Variants in SENP7 observed in about 807,000 individuals in gnomAD.
SENP7 encodes SUMO specific peptidase 7, also known as sentrin-specific protease 7.
SENP7 carries 64 observed loss-of-function variants against 141.2 expected under a neutral mutation model. The ratio of observed to expected loss-of-function variants is 0.45; its 90% CI spans 0.37 to 0.56. SENP7 has a LOEUF of 0.56. SENP7 is among the 20% of genes least tolerant of loss of function. The probability of loss-of-function intolerance (pLI) is 0.00; values close to 1 mark genes in which losing one functional copy is unlikely to be tolerated. For missense variants in SENP7, 1,025 were observed against 1,212.2 expected (o/e 0.85, Z 2.29); for synonymous variants, 382 against 426.4 (o/e 0.90, Z 1.28).
chr3:101,407,932 TCAGAGCAGAACTAAA>T (rs2061349782), intron 5 of SENP7, among the ~76,000 whole-genome samples: 2 of 151,026 alleles, frequency 1.3e-5, no homozygotes, highest in East Asian at 3.9e-4. Flanking sequence ...ACAAGCAAGA[TCAGAGCAGAACTAAA>T]TGAAATTAAA....
At chr3:101,389,105 T>A (rs2107533682) in intron 6 of SENP7, among the ~76,000 whole-genome samples, 1 of 152,194 alleles carries the variant, frequency 6.6e-6, no homozygotes, top group East Asian at 1.9e-4. Context: ...ACTTCCCAAG[T>A]TGAGCAAAAG....
chr3:101,383,212 T>C (rs1293861909), intron 6 of SENP7, among the ~76,000 whole-genome samples: 1 of 152,060 alleles, frequency 6.6e-6, no homozygotes, highest in Admixed American at 6.5e-5. Context: ...TGGTTAAGAG[T>C]GTGTAGCAGC....
chr3:101,442,285 G>A (rs1030592164), intron 4 of SENP7, among the ~76,000 whole-genome samples: 2 of 152,192 alleles, frequency 1.3e-5, no homozygotes, highest in African/African-American at 2.4e-5. Context: ...ACCAGTTTCA[G>A]GGAAGACAAT....
intron 4 of SENP7, among the ~76,000 whole-genome samples, chr3:101,427,016 T>C (rs1335477209): frequency 6.6e-6 from 1 of 152,172 alleles, no homozygotes; most frequent in Non-Finnish European, 1.5e-5. Context: ...ATCATCCTGA[T>C]ACAAAAACTT....
At position 101,328,639 on chromosome 3, in the gene SENP7, T is replaced by C. The variant is rs1364322141; in HGVS notation, c.2795+7A>G. 2 of 1,607,614 alleles carry C rather than the reference T, an allele frequency of 1.2e-6. No homozygotes were observed. Among genetic ancestry groups the C allele is most frequent in the Non-Finnish European group, 8.5e-7 (1 of 1,175,508 alleles). On this transcript the variant is annotated splice_region_variant and intron_variant, in intron 21 of 23. Transcript: ENST00000394095. The stretch of plus-strand genomic sequence containing the variant: ...AAAACTGTATTATTATTACAGCATG[T>C]ACCTACCTTTTACACATTTTCTTTG...
At chr3:101,501,586 G>A (rs902748166) in intron 1 of SENP7, among the ~76,000 whole-genome samples, 6 of 143,298 alleles carry the variant, frequency 4.2e-5, no homozygotes, top group Non-Finnish European at 7.7e-5. Flanking sequence ...AACATGCTTA[G>A]GGAACAGCTT....
chr3:101,483,120 T>C (rs1270568523), intron 3 of SENP7, among the ~76,000 whole-genome samples: 1 of 152,140 alleles, frequency 6.6e-6, no homozygotes, highest in East Asian at 1.9e-4. Context: ...AATAAATCAT[T>C]CTGCCAAAAA....
chr3:101,435,014 A>G (rs1469312766), intron 4 of SENP7, among the ~76,000 whole-genome samples: 1 of 152,144 alleles, frequency 6.6e-6, no homozygotes, highest in African/African-American at 2.4e-5. Context: ...TGATGCAAAA[A>G]TCCTCAACAA....
rs760755056 is a variant in SENP7, at chr3:101,417,610, G to A, written c.465C>T (p.Ser155=). The part of the protein sequence containing the change: ...TCQKLEPLRQ[S]LNLSERIPRV... ...CAACATACCTTTCAGATAAATTAAG[G>A]CTTTGGCGAAGAGGTTCTAATTTTT... The change falls in exon 5 of 24, where the codon AGC becomes AGT. Residue 155 remains serine (S), a synonymous_variant. Coordinates refer to ENST00000394095, the MANE Select transcript of SENP7 (RefSeq NM_020654.5). The A allele has an allele frequency of 1.2e-6, 2 of 1,613,362 alleles. No individual in the cohort carries two copies. Among genetic ancestry groups the A allele is most frequent in the Non-Finnish European group, 1.7e-6 (2 of 1,179,366 alleles).
chr3:101,510,575 G>A (rs905698962), intron 1 of SENP7, among the ~76,000 whole-genome samples: 9 of 151,892 alleles, frequency 5.9e-5, no homozygotes, highest in South Asian at 2.1e-4. Flanking sequence ...CTTCATGGCC[G>A]GGCACGGTGG....
intron 4 of SENP7, among the ~76,000 whole-genome samples, chr3:101,447,611 C>T (rs1457409312): frequency 6.6e-6 from 1 of 152,016 alleles, no homozygotes; most frequent in Non-Finnish European, 1.5e-5. Flanking sequence ...GGAAAGACAT[C>T]CCATGTTTAT....
rs1277219983 is a variant in SENP7, at chr3:101,325,990, G to C, written c.3106C>G (p.Leu1036Val). ...TGCTGTAAATGAAGTTTCAAGATGA[G>C]CTCTCGAATATCTTCCCGTTTGGTC... Reference protein sequence around the residue: ...IKTKREDIRELILKLHLQQQK... With the variant: ...IKTKREDIREVILKLHLQQQK... The change falls in exon 24 of 24, where the codon CTC becomes GTC. Residue 1036 changes from leucine (L) to valine (V), a missense_variant. Physicochemically the swap from Leu to Val is conservative, Grantham distance 32. Around this residue, in one of 4 missense-constraint regions of SENP7, gnomAD observed 295 missense variants for 459.1 expected, o/e 0.64. Coordinates refer to ENST00000394095, the MANE Select transcript of SENP7 (RefSeq NM_020654.5). 1 of 1,610,884 alleles carries C rather than the reference G, an allele frequency of 6.2e-7. No homozygotes were observed. The highest frequency in any genetic ancestry group is 1.7e-5 in the Admixed American group (1 of 59,654).
Position 101,442,926 on chromosome 3 carries a change from AGAG to A in SENP7, c.284+16026_284+16028del, listed in dbSNP as rs2062737320. ...CAAATATTGAGATTTCAGTTGTTTC[AGAG>A]GAGAAGAGATGGGCAAAGCGAAAGA... On this transcript the variant is annotated intron_variant, in intron 4 of 23. Coordinates refer to ENST00000394095, the MANE Select transcript of SENP7 (RefSeq NM_020654.5). 3.9e-5 allele frequency among the ~76,000 whole-genome samples: 6 copies of A among 152,302 alleles called. No individual in the cohort carries two copies. In the East Asian group the frequency reaches 1.2e-3, roughly 29 times the overall value.
chr3:101,498,855 G>T (rs2065260553), intron 2 of SENP7, among the ~76,000 whole-genome samples: 2 of 152,154 alleles, frequency 1.3e-5, no homozygotes, highest in Admixed American at 1.3e-4. Flanking sequence ...AAGGGATCTA[G>T]GTTGCATGCT....
At chr3:101,371,657 T>C (rs927227991) in intron 7 of SENP7, among the ~76,000 whole-genome samples, 5 of 152,010 alleles carry the variant, frequency 3.3e-5, no homozygotes, top group African/African-American at 1.2e-4. Context: ...GGTAGGCAAA[T>C]AGACAGTGAT....
At chr3:101,438,515 AATTT>A (rs1187113250) in intron 4 of SENP7, among the ~76,000 whole-genome samples, 1 of 152,188 alleles carries the variant, frequency 6.6e-6, no homozygotes, top group African/African-American at 2.4e-5. Context: ...GCACATTATC[AATTT>A]ATTTAACAAC....
intron 19 of SENP7, among the ~76,000 whole-genome samples, chr3:101,331,554 T>C (rs78642587): frequency 0.26 from 21,019 of 80,132 alleles, 1,520 homozygotes; most frequent in South Asian, 0.39. Context: ...AAGCAAAAAA[T>C]GTCAATGGAA....
intron 1 of SENP7, among the ~76,000 whole-genome samples, chr3:101,510,843 C>CTAAAAAAAA (rs2065825545): frequency 1.3e-5 from 1 of 78,380 alleles, no homozygotes; most frequent in Non-Finnish European, 2.4e-5. Context: ...GACTCCATCT[C>CTAAAAAAAA]AAAAAAAAAA....
At chr3:101,334,749 C>T (rs1402520466) in intron 17 of SENP7, among the ~76,000 whole-genome samples, 1 of 152,140 alleles carries the variant, frequency 6.6e-6, no homozygotes, top group Non-Finnish European at 1.5e-5. Flanking sequence ...GGATAGACAT[C>T]TGGTTTTATA....
Sources: gnomAD v4.1 joint callset for allele counts (sites outside exome capture counted in the v4.1 genomes callset) on GRCh38, gnomAD v4.1.1 for gene constraint, gnomAD v4.1.1 regional missense constraint, MANE v1.5 for transcripts, NCBI Gene and HGNC (gene_info 2026-07-23, HGNC 2026-07-21) for gene names.